The following AKAP14 variants were observed in gnomAD, a reference collection of about 807,000 sequenced individuals.
AKAP14 encodes A-kinase anchoring protein 14.
A neutral mutation model predicts 17.0 loss-of-function variants in AKAP14; 4 were observed. The ratio of observed to expected loss-of-function variants is 0.23; its 90% CI spans 0.12 to 0.54. The LOEUF is 0.54. Ranked by LOEUF, AKAP14 falls within the 20% of genes least tolerant of loss-of-function variation. AKAP14 has a pLI of 0.95. For synonymous variants in AKAP14, 42 were observed against 51.3 expected (o/e 0.82, Z 0.77); for missense variants, 129 against 150.9 (o/e 0.85, Z 0.76).
At chrX:119,905,967 C>T (rs34929906) in intron 4 of AKAP14, among the ~76,000 whole-genome samples, 4,192 of 111,386 alleles carry the variant, frequency 0.038, 178 homozygotes, top group African/African-American at 0.12. Context: ...CTGCTCTCTT[C>T]CCAGCCCCTA....
intron 5 of AKAP14, 118 bp from the exon 6 acceptor site, chrX:119,919,793 C>A (rs1298912601): frequency 1.3e-6 from 1 of 765,079 alleles, no homozygotes; most frequent in African/African-American, 2.1e-5. Flanking sequence ...TTGCAGTGAG[C>A]TGAGATTGCA....
Position 119,900,569 on chromosome X carries a change from G to A in AKAP14, c.-10-2645G>A, listed in dbSNP as rs139495872. On this transcript the variant is annotated intron_variant, in intron 2 of 6. Transcript: ENST00000371431. Reference sequence around the variant, plus strand: ...TTTCTCTGAGACAGGGTCTCGCTCTGTCACCCAGACTGGAGTACAGTGGTG... The same window carrying A: ...TTTCTCTGAGACAGGGTCTCGCTCTATCACCCAGACTGGAGTACAGTGGTG... 4.3e-3 allele frequency among the ~76,000 whole-genome samples: 485 copies of A among 111,558 alleles called. 3 individuals are homozygous for A. The highest frequency in any genetic ancestry group is 0.015 in the African/African-American group (454 of 30,731).
intron 5 of AKAP14, among the ~76,000 whole-genome samples, chrX:119,919,219 T>C (rs1307832094): frequency 8.9e-6 from 1 of 111,966 alleles, no homozygotes; most frequent in Non-Finnish European, 1.9e-5. Context: ...CCTACATGTT[T>C]ATGCTGCTTT....
chrX:119,896,481 G>C lies in AKAP14; in HGVS notation c.-11+214G>C, dbSNP rs1317186666. On this transcript the variant is annotated intron_variant, in intron 2 of 6. Transcript: ENST00000371431. Reference sequence around the variant, plus strand: ...GGGAGGGGAGGGGAGCGGAGGGGAGGGGAGAGGAGGGGAGGGAAGGGAAGA... The same window carrying C: ...GGGAGGGGAGGGGAGCGGAGGGGAGCGGAGAGGAGGGGAGGGAAGGGAAGA... Among the ~76,000 whole-genome samples the C allele has an allele frequency of 3.0e-5, 3 of 101,415 alleles. No homozygotes were observed. In the East Asian group the frequency reaches 9.4e-4, roughly 32 times the overall value. 88.1% of individuals were successfully genotyped at this position (101,415 alleles called of 115,157 possible). A position where few individuals can be genotyped will look rare whatever the true frequency, so the allele number is the denominator to read the frequency against.
intron 2 of AKAP14, among the ~76,000 whole-genome samples, chrX:119,900,985 T>C (rs1463788593): frequency 8.9e-6 from 1 of 112,700 alleles, no homozygotes; most frequent in Non-Finnish European, 1.9e-5. Flanking sequence ...AGCTCTGTGA[T>C]GGAGCCATCT....
intron 2 of AKAP14, among the ~76,000 whole-genome samples, chrX:119,898,888 G>A (rs2056547118): frequency 9.4e-6 from 1 of 106,766 alleles, no homozygotes; most frequent in African/African-American, 3.4e-5. Context: ...TGAGAATAAG[G>A]CCAGGCGCGA....
At chrX:119,896,471 C>CGGAGGGGAGGGGAGA (rs2056528318) in intron 2 of AKAP14, among the ~76,000 whole-genome samples, 2 of 17,036 alleles carry the variant, frequency 1.2e-4, no homozygotes, top group Non-Finnish European at 2.2e-4. Flanking sequence ...GGGAGGGGAG[C>CGGAGGGGAGGGGAGA]GGAGGGGAGG....
intron 2 of AKAP14, among the ~76,000 whole-genome samples, chrX:119,902,899 C>G (rs776263763): frequency 1.8e-4 from 20 of 111,878 alleles, no homozygotes; most frequent in Admixed American, 6.7e-4. Context: ...CCATGTTGGT[C>G]AGGCTGGTCT....
chrX:119,907,710 C>T (rs1422944374), intron 4 of AKAP14, among the ~76,000 whole-genome samples: 3 of 110,934 alleles, frequency 2.7e-5, no homozygotes, highest in Non-Finnish European at 5.7e-5. Context: ...CCTCCTGCCT[C>T]GGCCTCCTAA....
chrX:119,904,884 C>CAAA (rs11461432), intron 4 of AKAP14, among the ~76,000 whole-genome samples: 9 of 107,778 alleles, frequency 8.4e-5, no homozygotes, highest in African/African-American at 2.8e-4. Context: ...GACTCCGTCT[C>CAAA]AAAAAATAAT....
chrX:119,919,818 C>T, intron 5 of AKAP14, 93 bp from the exon 6 acceptor site: 2 of 992,633 alleles, frequency 2.0e-6, no homozygotes, highest in Non-Finnish European at 2.8e-6. Flanking sequence ...TGCACTTACA[C>T]CTGGGAGACA....
chrX:119,896,530 G>A (rs113236597), intron 2 of AKAP14, among the ~76,000 whole-genome samples: 2 of 109,026 alleles, frequency 1.8e-5, no homozygotes, highest in African/African-American at 3.3e-5. Flanking sequence ...GATGCCAGTG[G>A]GAGGGAGGCT....
intron 2 of AKAP14, among the ~76,000 whole-genome samples, chrX:119,897,331 T>A (rs1482077687): frequency 4.6e-5 from 5 of 108,995 alleles, no homozygotes; most frequent in Non-Finnish European, 9.5e-5. Flanking sequence ...GGCTAATTTT[T>A]TGTATTTTTA....
At chrX:119,904,111 T>G (rs1269920530) in intron 4 of AKAP14, among the ~76,000 whole-genome samples, 1 of 110,524 alleles carries the variant, frequency 9.0e-6, no homozygotes, top group African/African-American at 3.3e-5. Context: ...AATTTTTAAT[T>G]TTTTTTTGTA....
chrX:119,899,114 C>T (rs1300407293), intron 2 of AKAP14, among the ~76,000 whole-genome samples: 2 of 95,941 alleles, frequency 2.1e-5, no homozygotes, highest in African/African-American at 8.0e-5. Flanking sequence ...TTGCAGTGAG[C>T]GGAGATCGTG....
intron 2 of AKAP14, among the ~76,000 whole-genome samples, chrX:119,902,369 G>A (rs1283119718): frequency 2.7e-5 from 3 of 110,271 alleles, no homozygotes; most frequent in Non-Finnish European, 5.7e-5. Flanking sequence ...CCACCGCGCC[G>A]GGCCTTTATA....
At position 119,911,950 on chromosome X, in the gene AKAP14, G is replaced by A. The variant is rs1314285433; in HGVS notation, c.262-2749G>A. Among the ~76,000 whole-genome samples, 3 of 104,721 alleles carry A rather than the reference G, an allele frequency of 2.9e-5. No homozygotes were observed. The East Asian group carries it at 9.0e-4, about 32-fold the overall frequency. The allele number at this position is 104,721 out of a possible 115,157, so 90.9% of individuals were successfully genotyped here. A position where few individuals can be genotyped will look rare whatever the true frequency, so the allele number is the denominator to read the frequency against. The stretch of plus-strand genomic sequence containing the variant: ...GGTTGCTTTTTTTTTTTTTTTCTGA[G>A]ATGGAGTTTCGCTCTTGTCGCCCAG... On this transcript the variant is annotated intron_variant, in intron 4 of 6. Transcript: ENST00000371431.
intron 4 of AKAP14, among the ~76,000 whole-genome samples, chrX:119,910,662 A>G (rs939703526): frequency 9.0e-6 from 1 of 111,042 alleles, no homozygotes; most frequent in African/African-American, 3.3e-5. Flanking sequence ...AAATTCATAT[A>G]TTCTTCTTCT....
intron 2 of AKAP14, among the ~76,000 whole-genome samples, chrX:119,896,742 A>G (rs1204835733): frequency 1.8e-5 from 2 of 111,409 alleles, no homozygotes; most frequent in Non-Finnish European, 3.8e-5. Context: ...ATCAATAGGA[A>G]ATTTGCTGAA....
Sources: allele counts gnomAD v4.1 joint callset (sites outside exome capture counted in the v4.1 genomes callset), GRCh38; gene constraint gnomAD v4.1.1; transcripts MANE v1.5; gene names NCBI Gene and HGNC (gene_info 2026-07-23, HGNC 2026-07-21).